FOXJ3: variants seen among roughly 807,000 people sequenced by gnomAD.
FOXJ3 encodes forkhead box protein J3.
In FOXJ3, 22 loss-of-function variants were observed where a neutral mutation model predicts 76.1. That is an observed-to-expected ratio of 0.29 (90% CI 0.21 to 0.41). The LOEUF (loss-of-function observed/expected upper bound fraction) is 0.41. Among genes scored for constraint, FOXJ3 ranks in the 10% least tolerant of loss-of-function variants. The pLI is 1.00. For synonymous variants in FOXJ3, 269 were observed against 261.2 expected (o/e 1.03, Z -0.29); for missense variants, 613 against 762.1 (o/e 0.80, Z 2.30).
chr1:42,247,782 A>T (rs1649664660), intron 4 of FOXJ3, among the ~76,000 whole-genome samples: 1 of 152,160 alleles, frequency 6.6e-6, no homozygotes, highest in Non-Finnish European at 1.5e-5. Context: ...AAATAAAAAC[A>T]CTGAGTCTAT....
chr1:42,278,573 T>C lies in FOXJ3; in HGVS notation c.144A>G (p.Ala48=). ...AIQKSDATQN[A]HGTGISKKNA... ...TCTTCTTAGAAATTCCTGTTCCATGTGCATTTTGTGTAGCATCAGATTTTT... is the reference window on the plus strand; with the variant it reads ...TCTTCTTAGAAATTCCTGTTCCATGCGCATTTTGTGTAGCATCAGATTTTT... Residue 48 remains alanine (A), a synonymous_variant, in exon 3 of 13, where the codon GCA becomes GCG. Coordinates refer to ENST00000361346, the MANE Select transcript of FOXJ3 (RefSeq NM_014947.5). 3.7e-6 allele frequency: 6 copies of C among 1,614,184 alleles called. No homozygotes were observed. The highest frequency in any genetic ancestry group is 5.1e-6 in the Non-Finnish European group (6 of 1,180,010).
intron 1 of FOXJ3, chr1:42,315,320 T>C (rs2124765382): frequency 3.5e-6 from 2 of 566,320 alleles, no homozygotes; most frequent in African/African-American, 4.1e-5. Flanking sequence ...TTTAAAATGG[T>C]GAACTTCACA....
intron 11 of FOXJ3, among the ~76,000 whole-genome samples, chr1:42,183,458 A>G (rs1646371406): frequency 6.6e-6 from 1 of 151,632 alleles, no homozygotes; most frequent in African/African-American, 2.4e-5. Context: ...AGGAGACATC[A>G]AGTGTTATCG....
At chr1:42,260,135 CTT>C (rs752978904) in intron 4 of FOXJ3, among the ~76,000 whole-genome samples, 13 of 152,150 alleles carry the variant, frequency 8.5e-5, no homozygotes, top group Non-Finnish European at 1.8e-4. Context: ...AAATTATACT[CTT>C]ATCTTCCTTC....
chr1:42,255,545 T>C (rs1650517331), intron 4 of FOXJ3, among the ~76,000 whole-genome samples: 1 of 152,148 alleles, frequency 6.6e-6, no homozygotes, highest in Non-Finnish European at 1.5e-5. Context: ...GTGGAGATCA[T>C]CAGACAATTT....
chr1:42,306,298 C>CTTTTTTTTTTTTTTTTTTT lies in FOXJ3; in HGVS notation c.44+4733_44+4751dup, dbSNP rs9326121. On this transcript the variant is annotated intron_variant, in intron 2 of 12. Coordinates refer to ENST00000361346, the MANE Select transcript of FOXJ3 (RefSeq NM_014947.5). ...CATCCATCACTCTCTGAACTTTTTTCTTTTTTTTTTTTTTTTTTTTTTTGG... is the reference window on the plus strand; with the variant it reads ...CATCCATCACTCTCTGAACTTTTTTCTTTTTTTTTTTTTTTTTTTTTTTTTTTTTTTTTTTTTTTTTTGG... 9.7e-4 allele frequency among the ~76,000 whole-genome samples: 79 copies of CTTTTTTTTTTTTTTTTTTT among 81,670 alleles called. 3 individuals are homozygous for CTTTTTTTTTTTTTTTTTTT. Among genetic ancestry groups the CTTTTTTTTTTTTTTTTTTT allele is most frequent in the Non-Finnish European group, 1.1e-3 (49 of 43,338 alleles). 53.6% of individuals were successfully genotyped at this position (81,670 alleles called of 152,430 possible).
At chr1:42,183,120 C>CA (rs1646357851) in intron 11 of FOXJ3, among the ~76,000 whole-genome samples, 1 of 150,464 alleles carries the variant, frequency 6.6e-6, no homozygotes, top group Admixed American at 6.6e-5. Context: ...ACTAAAAATA[C>CA]AAAGAATTAG....
chr1:42,322,268 A>G (rs376426292), intron 1 of FOXJ3, among the ~76,000 whole-genome samples: 1 of 152,282 alleles, frequency 6.6e-6, no homozygotes, highest in African/African-American at 2.4e-5. Flanking sequence ...CCAACTGTAA[A>G]GAGATGTTTT....
At chr1:42,287,825 G>A (rs959881789) in intron 2 of FOXJ3, among the ~76,000 whole-genome samples, 3 of 152,092 alleles carry the variant, frequency 2.0e-5, no homozygotes, top group Admixed American at 6.5e-5. Context: ...TTAGTCAAGT[G>A]TGGTAGTGTG....
At chr1:42,241,913 G>A (rs1557666607) in intron 4 of FOXJ3, among the ~76,000 whole-genome samples, 1 of 152,102 alleles carries the variant, frequency 6.6e-6, no homozygotes, top group Non-Finnish European at 1.5e-5. Context: ...CCAAGAACTG[G>A]CCTACTGAGC....
intron 4 of FOXJ3, among the ~76,000 whole-genome samples, chr1:42,254,935 G>A (rs1000740787): frequency 2.7e-5 from 4 of 150,606 alleles, no homozygotes; most frequent in African/African-American, 9.8e-5. Context: ...TGCACATTGT[G>A]CACATGTACC....
chr1:42,288,369 T>C (rs1049392316), intron 2 of FOXJ3, among the ~76,000 whole-genome samples: 11 of 152,236 alleles, frequency 7.2e-5, no homozygotes, highest in Non-Finnish European at 1.2e-4. Context: ...TTCATTAAAG[T>C]GGTTATCCTG....
At chr1:42,228,458 T>A (rs552750165) in intron 4 of FOXJ3, among the ~76,000 whole-genome samples, 187 of 151,848 alleles carry the variant, frequency 1.2e-3, no homozygotes, top group African/African-American at 3.9e-3. Context: ...TACTCTGTCG[T>A]GACTTAACTA....
rs573950346 is a variant in FOXJ3, at chr1:42,278,496, T to G, written c.221A>C (p.His74Pro). ...TTLDQEEVQQ[H>P]KDGKPPYSYA... is the part of the protein sequence containing the mutation. ...ACTGTATGGAGGTTTCCCATCTTTG[T>G]GCTGTTGGACTTCTTCCTGGTCCAG... The change falls in exon 3 of 13, where the codon CAC (histidine) becomes CCC (proline). Residue 74 changes from histidine (H) to proline (P), a missense_variant. His to Pro is a moderately conservative substitution (Grantham distance 77). Around this residue, in one of 3 missense-constraint regions of FOXJ3, gnomAD observed 77 missense variants for 115.1 expected, o/e 0.67. Transcript: ENST00000361346. 2 of 1,614,066 alleles carry G rather than the reference T, an allele frequency of 1.2e-6. No homozygotes were observed. The highest frequency in any genetic ancestry group is 1.7e-6 in the Non-Finnish European group (2 of 1,180,032).
intron 4 of FOXJ3, among the ~76,000 whole-genome samples, chr1:42,240,701 A>T (rs1557665818): frequency 6.6e-6 from 1 of 152,200 alleles, no homozygotes; most frequent in Non-Finnish European, 1.5e-5. Flanking sequence ...CCACACGTAA[A>T]AAATAATCAA....
At chr1:42,196,228 C>T (rs1646648413) in intron 7 of FOXJ3, among the ~76,000 whole-genome samples, 1 of 152,130 alleles carries the variant, frequency 6.6e-6, no homozygotes, top group Non-Finnish European at 1.5e-5. Context: ...GAGCTGACAC[C>T]ATGCTAACCT....
chr1:42,263,086 T>A, intron 4 of FOXJ3, among the ~76,000 whole-genome samples: 1 of 152,192 alleles, frequency 6.6e-6, no homozygotes, highest in East Asian at 1.9e-4. Flanking sequence ...GTATTTTGTT[T>A]TAGTTGCACA....
In FOXJ3 at chr1:42,235,558, T is replaced by TG. The variant is rs200378485; in HGVS notation, c.445-7593_445-7592insC. 3.2e-3 allele frequency among the ~76,000 whole-genome samples: 474 copies of TG among 145,992 alleles called. 4 individuals carry two copies. Among genetic ancestry groups the TG allele is most frequent in the African/African-American group, 0.011 (457 of 41,168 alleles). ...CCATCTTGGCTCCACCCGTTTTTTT[T>TG]TGTGTTTTTTTGTTTTTTTTTTGAG... On this transcript the variant is annotated intron_variant, in intron 4 of 12. Transcript: ENST00000361346.
intron 10 of FOXJ3, 117 bp from the exon 11 acceptor site, chr1:42,189,045 A>G (rs1309842528): frequency 1.5e-6 from 1 of 656,964 alleles, no homozygotes; most frequent in South Asian, 2.2e-5. Context: ...ACTTTATGGT[A>G]GTGATTTATC....
Sources: allele counts gnomAD v4.1 joint callset (sites outside exome capture counted in the v4.1 genomes callset), GRCh38; gene constraint gnomAD v4.1.1; regional missense constraint gnomAD v4.1.1; transcripts MANE v1.5; gene names NCBI Gene and HGNC (gene_info 2026-07-23, HGNC 2026-07-21).